Variants in ADAMTS20 observed in about 807,000 individuals in gnomAD.
ADAMTS20 encodes the protein ADAM metallopeptidase with thrombospondin type 1 motif 20, also known as A disintegrin and metalloproteinase with thrombospondin motifs 20.
ADAMTS20 carries 225 observed loss-of-function variants against 260.1 expected under a neutral mutation model. The ratio of observed to expected loss-of-function variants is 0.87; its 90% CI spans 0.78 to 0.97. The LOEUF is 0.97. Ranked by LOEUF, ADAMTS20 falls within the 50% of genes least tolerant of loss-of-function variation. The pLI is 0.00. For synonymous variants in ADAMTS20, 802 were observed against 769.5 expected (o/e 1.04, Z -0.70); for missense variants, 2,400 against 2,337.7 (o/e 1.03, Z -0.55).
intron 7 of ADAMTS20, among the ~76,000 whole-genome samples, chr12:43,469,975 A>G (rs1165947672): frequency 6.6e-6 from 1 of 152,216 alleles, no homozygotes. Flanking sequence ...TGCTTCGGCA[A>G]GGTCCCTCCA....
At position 43,369,374 on chromosome 12, in the gene ADAMTS20, G is replaced by A. The variant is rs1489361192; in HGVS notation, c.5454C>T (p.Asp1818=). The change falls in exon 37 of 39, where the codon GAC becomes GAT. Residue 1818 remains aspartate (D), a synonymous_variant. Coordinates refer to ENST00000389420, the MANE Select transcript of ADAMTS20 (RefSeq NM_025003.5). ...DLTSMQIKTT[D]LLFSKTIFGN... ...CAAATATTGTTTTGGAAAAAAGAAG[G>A]TCCGTAGCTAGAAAATAATAAATAA... The A allele has an allele frequency of 6.6e-7, 1 of 1,517,632 alleles. No homozygotes were observed. Among genetic ancestry groups the A allele is most frequent in the Non-Finnish European group, 8.8e-7 (1 of 1,133,076 alleles). 94.0% of individuals were successfully genotyped at this position (1,517,632 alleles called of 1,614,324 possible). A position where few individuals can be genotyped will look rare whatever the true frequency, so the allele number is the denominator to read the frequency against.
intron 3 of ADAMTS20, among the ~76,000 whole-genome samples, chr12:43,506,671 G>T (rs1942847569): frequency 6.6e-6 from 1 of 151,998 alleles, no homozygotes; most frequent in East Asian, 1.9e-4. Flanking sequence ...GTAGAGATAG[G>T]ATTTCACCAT....
intron 7 of ADAMTS20, 21 bp downstream of exon 7, chr12:43,490,374 T>A: frequency 8.5e-7 from 1 of 1,175,710 alleles, no homozygotes; most frequent in African/African-American, 1.6e-5. Flanking sequence ...TAAGCTAAAC[T>A]TAATTGACAA....
chr12:43,466,605 T>A, intron 9 of ADAMTS20, 47 bp downstream of exon 9: 2 of 1,541,356 alleles, frequency 1.3e-6, no homozygotes, highest in Non-Finnish European at 1.8e-6. Flanking sequence ...CAATTTCAAA[T>A]CTTATAATCG....
At position 43,383,790 on chromosome 12, in the gene ADAMTS20, A is replaced by C. The variant is rs1565674333; in HGVS notation, c.4626+14T>G. 11 of 1,613,380 alleles carry C rather than the reference A, an allele frequency of 6.8e-6. No homozygotes were observed. The highest frequency in any genetic ancestry group is 9.3e-6 in the Non-Finnish European group (11 of 1,179,526). The stretch of plus-strand genomic sequence containing the variant: ...ATATGCAGTGTCTTTGAAAATTTAC[A>C]TGTCGATACTCACATTCAGCCTCCC... On this transcript the variant is annotated intron_variant, in intron 30 of 38. Coordinates refer to ENST00000389420, the MANE Select transcript of ADAMTS20 (RefSeq NM_025003.5).
chr12:43,515,801 G>A (rs1158116784), intron 3 of ADAMTS20, among the ~76,000 whole-genome samples: 2 of 152,142 alleles, frequency 1.3e-5, no homozygotes, highest in African/African-American at 2.4e-5. Context: ...ATTTTTAGAT[G>A]TTGACAAAAG....
chr12:43,425,659 G>C lies in ADAMTS20; in HGVS notation c.4139C>G (p.Ser1380Ter). ...GGGAAATTGACATATTACAAGTCTT[G>C]ATTTTATTCCTCCTCCACATGTTTG... is the stretch of plus-strand genomic sequence containing the variant. ...CSQTCGGGIK[S>*]RLVICQFPNG... The change falls in exon 28 of 39, where the codon TCA becomes TGA. Residue 1380 changes from serine to a stop codon, truncating the protein, a stop_gained. Coordinates refer to ENST00000389420, the MANE Select transcript of ADAMTS20 (RefSeq NM_025003.5). LOFTEE classifies it high-confidence loss of function. 1.2e-6 allele frequency: 2 copies of C among 1,604,760 alleles called. No homozygotes were observed. The highest frequency in any genetic ancestry group is 1.7e-6 in the Non-Finnish European group (2 of 1,174,602).
intron 11 of ADAMTS20, among the ~76,000 whole-genome samples, chr12:43,460,988 A>ATTTTTTTTTTTTT (rs1161740021): frequency 4.2e-4 from 11 of 26,394 alleles, no homozygotes; most frequent in Admixed American, 1.7e-3. Context: ...ATATATATAT[A>ATTTTTTTTTTTTT]TTTTTTTTTT....
intron 7 of ADAMTS20, among the ~76,000 whole-genome samples, chr12:43,489,232 G>T (rs1369127756): frequency 1.3e-5 from 2 of 151,750 alleles, no homozygotes; most frequent in African/African-American, 4.8e-5. Flanking sequence ...TCTTAAAGAA[G>T]AAACAAAAAA....
rs577466398 is a variant in ADAMTS20, at chr12:43,402,769, T to C, written c.4285-3536A>G. On this transcript the variant is annotated intron_variant, in intron 28 of 38. Transcript: ENST00000389420. Reference sequence around the variant, plus strand: ...CTGACACCATCATAGTCTTGAAGTTTTATTTAGTGCTGTATAATTCATTTC... The same window carrying C: ...CTGACACCATCATAGTCTTGAAGTTCTATTTAGTGCTGTATAATTCATTTC... Among the ~76,000 whole-genome samples the C allele has an allele frequency of 8.5e-5, 13 of 152,234 alleles. 1 individual carries two copies. The South Asian group carries it at 2.7e-3, about 32-fold the overall frequency.
intron 28 of ADAMTS20, 21 bp from the exon 29 acceptor site, chr12:43,399,254 C>A: frequency 7.0e-7 from 1 of 1,420,964 alleles, no homozygotes; most frequent in Non-Finnish European, 9.2e-7. Context: ...AATATGAATG[C>A]ACTTGATTCA....
intron 31 of ADAMTS20, among the ~76,000 whole-genome samples, chr12:43,380,661 C>G (rs1940329719): frequency 6.6e-6 from 1 of 151,958 alleles, no homozygotes; most frequent in Admixed American, 6.6e-5. Context: ...ATTCCATTTA[C>G]AGAATATAAA....
intron 15 of ADAMTS20, 146 bp downstream of exon 15, chr12:43,446,449 T>C (rs1040691061): frequency 3.0e-5 from 17 of 562,256 alleles, no homozygotes; most frequent in Non-Finnish European, 4.9e-5. Context: ...TTTTTTTATA[T>C]TTAGGAAATT....
At chr12:43,439,354 A>G (rs1281963921) in intron 18 of ADAMTS20, among the ~76,000 whole-genome samples, 1 of 152,224 alleles carries the variant, frequency 6.6e-6, no homozygotes, top group East Asian at 1.9e-4. Context: ...GTGGCTGTGA[A>G]AAAGAGAATG....
At chr12:43,484,325 G>A (rs1592092864) in intron 7 of ADAMTS20, among the ~76,000 whole-genome samples, 1 of 152,192 alleles carries the variant, frequency 6.6e-6, no homozygotes, top group East Asian at 1.9e-4. Flanking sequence ...GTGGGTGTAA[G>A]CCAAAATGAA....
At chr12:43,426,556 G>A (rs1479422791) in intron 27 of ADAMTS20, among the ~76,000 whole-genome samples, 1 of 152,126 alleles carries the variant, frequency 6.6e-6, no homozygotes, top group East Asian at 1.9e-4. Context: ...TACGAAGGAG[G>A]TTAGTATTAA....
intron 16 of ADAMTS20, among the ~76,000 whole-genome samples, chr12:43,441,680 C>G (rs1462302223): frequency 6.6e-6 from 1 of 152,064 alleles, no homozygotes; most frequent in East Asian, 1.9e-4. Context: ...ACTAAGAAAA[C>G]CCCCATATTA....
At chr12:43,533,273 A>T (rs1229877559) in intron 2 of ADAMTS20, among the ~76,000 whole-genome samples, 3 of 147,918 alleles carry the variant, frequency 2.0e-5, no homozygotes, top group Non-Finnish European at 4.5e-5. Flanking sequence ...GATATCTCAT[A>T]GTGGTTTTGA....
chr12:43,467,455 A>T (rs184300644), intron 8 of ADAMTS20, among the ~76,000 whole-genome samples: 205 of 152,190 alleles, frequency 1.3e-3, no homozygotes, highest in African/African-American at 4.8e-3. Context: ...GAAACCACTT[A>T]ATTCAGATCC....
Sources: gnomAD v4.1 joint callset for allele counts (sites outside exome capture counted in the v4.1 genomes callset) on GRCh38, gnomAD v4.1.1 for gene constraint, MANE v1.5 for transcripts, NCBI Gene and HGNC (gene_info 2026-07-23, HGNC 2026-07-21) for gene names.